Variants in PLEKHH1 observed in about 807,000 individuals in gnomAD.
PLEKHH1 encodes the protein pleckstrin homology domain-containing family H member 1.
Under a neutral mutation model 160.0 loss-of-function variants are expected in PLEKHH1, and 104 were observed. That is an observed-to-expected ratio of 0.65 (90% CI 0.55 to 0.76). The LOEUF is 0.76. PLEKHH1 is among the 30% of genes least tolerant of loss of function. The probability of loss-of-function intolerance (pLI) is 0.00; values close to 1 mark genes in which losing one functional copy is unlikely to be tolerated. For missense variants in PLEKHH1, 1,427 were observed against 1,724.1 expected (o/e 0.83, Z 3.05); for synonymous variants, 619 against 678.4 (o/e 0.91, Z 1.36).
At chr14:67,571,937 G>A in intron 10 of PLEKHH1, 35 bp downstream of exon 10, 1 of 1,575,206 alleles carries the variant, frequency 6.3e-7, no homozygotes, top group Non-Finnish European at 8.6e-7. Flanking sequence ...GGGTGCAGCA[G>A]CAAGGAGCCC....
Position 67,573,327 on chromosome 14 carries a change from ACGTGGAAGAGG to A in PLEKHH1, c.1783_1793del (p.Trp595LeufsTer17), listed in dbSNP as rs2035474764. 2 of 1,613,738 alleles carry A rather than the reference ACGTGGAAGAGG, an allele frequency of 1.2e-6. No individual in the cohort carries two copies. The highest frequency in any genetic ancestry group is 2.7e-5 in the African/African-American group (2 of 74,914). ...GCTGAAAATGGGGAGCCAGGTGAAG[ACGTGGAAGAGG>A]CGCTGGTTTGTCCTGAGACAGGGAC... On this transcript the variant is annotated frameshift_variant, in exon 12 of 29. Coordinates refer to ENST00000329153, the MANE Select transcript of PLEKHH1 (RefSeq NM_020715.3). LOFTEE classifies it high-confidence loss of function. The surrounding 1 kb of genome is among the most constrained non-coding windows in gnomAD (Gnocchi z 4.8).
intron 2 of PLEKHH1, among the ~76,000 whole-genome samples, chr14:67,551,490 CTG>C: frequency 1.3e-5 from 2 of 152,188 alleles, no homozygotes; most frequent in South Asian, 4.1e-4. Flanking sequence ...GATGAGGAAA[CTG>C]AGGCACAGAG....
chr14:67,556,421 C>G (rs1215843046), intron 3 of PLEKHH1, among the ~76,000 whole-genome samples: 1 of 152,292 alleles, frequency 6.6e-6, no homozygotes, highest in East Asian at 1.9e-4. Flanking sequence ...CAGGCGTGAG[C>G]CACTGTGCCT....
chr14:67,556,270 C>A (rs1396213842), intron 3 of PLEKHH1, among the ~76,000 whole-genome samples: 1 of 152,108 alleles, frequency 6.6e-6, no homozygotes, highest in Admixed American at 6.5e-5. Context: ...GAATGCGCAG[C>A]CTTCTTGGTT....
At chr14:67,572,376 G>A in intron 11 of PLEKHH1, 99 bp downstream of exon 11, 1 of 1,024,414 alleles carries the variant, frequency 9.8e-7, no homozygotes, top group South Asian at 1.6e-5. Context: ...CCTGAAGTGA[G>A]GGGTCCCTAG....
chr14:67,587,239 T>C lies in PLEKHH1; in HGVS notation c.*4T>C. 1.9e-6 allele frequency: 3 copies of C among 1,613,658 alleles called. No homozygotes were observed. Among genetic ancestry groups the C allele is most frequent in the Non-Finnish European group, 2.5e-6 (3 of 1,179,696 alleles). On this transcript the variant is annotated 3_prime_UTR_variant, in exon 29 of 29. Transcript: ENST00000329153. ...CAAGGGGCCAACGTTGCTGTGAATA[T>C]TTCTCCTACCCGATTCCCCAACACC...
chr14:67,566,819 T>C (rs902691167), intron 7 of PLEKHH1, among the ~76,000 whole-genome samples: 1 of 146,798 alleles, frequency 6.8e-6, no homozygotes, highest in East Asian at 2.0e-4. Flanking sequence ...AGAGAGAGGG[T>C]GGAGGAGGAG....
At chr14:67,543,034 A>C (rs1301770278) in intron 2 of PLEKHH1, among the ~76,000 whole-genome samples, 1 of 152,248 alleles carries the variant, frequency 6.6e-6, no homozygotes, top group East Asian at 1.9e-4. Context: ...TAAACTGCTA[A>C]CTTTCAGAGG....
chr14:67,566,309 G>A (rs117731935), intron 7 of PLEKHH1, among the ~76,000 whole-genome samples: 2,006 of 152,300 alleles, frequency 0.013, 80 homozygotes, highest in Admixed American at 0.078. Flanking sequence ...CTGGGCTGCT[G>A]GCTCTCTTCT....
rs146217983 is a variant in PLEKHH1, at chr14:67,549,626, A to G, written c.127-6199A>G. Among the ~76,000 whole-genome samples, 112 of 152,186 alleles carry G rather than the reference A, an allele frequency of 7.4e-4. 1 individual carries two copies. The highest frequency in any genetic ancestry group is 2.5e-3 in the African/African-American group (104 of 41,514). On this transcript the variant is annotated intron_variant, in intron 2 of 28. Transcript: ENST00000329153. ...TTATAAGGCTGCCCTCCTGCTCACC[A>G]TAGTATTTCTCAGGAACCATGTATG...
At position 67,589,451 on chromosome 14, in the gene PLEKHH1, C is replaced by T. The variant is rs192613772; in HGVS notation, c.*2216C>T. ...TGATATAAAAAAAAATGCTGAGTAA[C>T]AGAAAAGTATTAATGTGCTTGACAC... On this transcript the variant is annotated 3_prime_UTR_variant, in exon 29 of 29. Coordinates refer to ENST00000329153, the MANE Select transcript of PLEKHH1 (RefSeq NM_020715.3). The T allele has an allele frequency of 5.8e-5, 57 of 985,256 alleles. No homozygotes were observed. The East Asian group carries it at 5.3e-3, about 92-fold the overall frequency. 61.0% of individuals were successfully genotyped at this position (985,256 alleles called of 1,614,324 possible).
intron 1 of PLEKHH1, among the ~76,000 whole-genome samples, chr14:67,540,513 C>T (rs2033921938): frequency 6.6e-6 from 1 of 151,690 alleles, no homozygotes; most frequent in Non-Finnish European, 1.5e-5. Flanking sequence ...TGTAATCCAG[C>T]TTCTCAGGAG....
intron 22 of PLEKHH1, chr14:67,580,284 C>T (rs2035832181): frequency 5.5e-6 from 1 of 183,024 alleles, no homozygotes; most frequent in Non-Finnish European, 1.1e-5. Flanking sequence ...CTTTCAGGGC[C>T]TATGCCATGC....
At chr14:67,572,041 G>A in intron 10 of PLEKHH1, 94 bp from the exon 11 acceptor site, 1 of 1,493,604 alleles carries the variant, frequency 6.7e-7, no homozygotes, top group Admixed American at 2.1e-5. Flanking sequence ...CCAGAGACCG[G>A]GTCCCGGGTG....
chr14:67,571,486 G>A, intron 9 of PLEKHH1: 1 of 392,994 alleles, frequency 2.5e-6, no homozygotes, highest in Non-Finnish European at 4.7e-6. Flanking sequence ...AGGAGCGAGG[G>A]TCACAGTGGG....
chr14:67,554,158 G>A (rs1381755755), intron 2 of PLEKHH1, among the ~76,000 whole-genome samples: 1 of 152,198 alleles, frequency 6.6e-6, no homozygotes, highest in Non-Finnish European at 1.5e-5. Context: ...CCTGAGCAAA[G>A]AGATCCCCCA....
chr14:67,537,143 G>A (rs1312800927), intron 1 of PLEKHH1, among the ~76,000 whole-genome samples: 1 of 145,894 alleles, frequency 6.9e-6, no homozygotes, highest in South Asian at 2.2e-4. Context: ...CCAGGAGTTC[G>A]AGACCAGCCT....
In PLEKHH1 at chr14:67,572,121, C is replaced by G. The variant is rs746940949; in HGVS notation, c.1586-14C>G. The stretch of plus-strand genomic sequence containing the variant: ...GTGTGGGACCCGGGCCTTGACTCCT[C>G]CTCCCTCGGCAAGGCGTCTCCATGT... On this transcript the variant is annotated splice_polypyrimidine_tract_variant and intron_variant, in intron 10 of 28. Coordinates refer to ENST00000329153, the MANE Select transcript of PLEKHH1 (RefSeq NM_020715.3). 1.2e-6 allele frequency: 2 copies of G among 1,601,822 alleles called. No individual in the cohort carries two copies. Among genetic ancestry groups the G allele is most frequent in the Non-Finnish European group, 8.5e-7 (1 of 1,174,578 alleles).
At chr14:67,585,791 T>G (rs2036129097) in intron 27 of PLEKHH1, 137 bp downstream of exon 27, 1 of 1,001,188 alleles carries the variant, frequency 1.0e-6, no homozygotes, top group African/African-American at 1.6e-5. Context: ...ACCAGTCCTC[T>G]AGTCTAGACA....
Sources: allele counts gnomAD v4.1 joint callset (sites outside exome capture counted in the v4.1 genomes callset), GRCh38; gene constraint gnomAD v4.1.1; non-coding constraint Gnocchi (gnomAD v3.1); transcripts MANE v1.5; gene names NCBI Gene and HGNC (gene_info 2026-07-23, HGNC 2026-07-21).